ADCY8: variants seen among roughly 807,000 people sequenced by gnomAD.
ADCY8 encodes the protein adenylate cyclase 8, also known as adenylate cyclase type 8.
ADCY8 carries 51 observed loss-of-function variants against 119.7 expected under a neutral mutation model. That is an observed-to-expected ratio of 0.43 (90% CI 0.34 to 0.54). The LOEUF (loss-of-function observed/expected upper bound fraction) is 0.54. Ranked by LOEUF, ADCY8 falls within the 20% of genes least tolerant of loss-of-function variation. ADCY8 has a pLI of 0.03. For missense variants in ADCY8, 1,383 were observed against 1,598.8 expected, an observed-to-expected ratio of 0.87 and a Z score of 2.30; for synonymous variants, 665 against 651.0, an observed-to-expected ratio of 1.02 and a Z score of -0.33.
chr8:131,039,429 A>T lies in ADCY8; in HGVS notation c.905T>A (p.Leu302Gln). ...AILAGLGTSL[L>Q]QVILQVVIPR... is the part of the protein sequence containing the mutation. ...TATGACCACTTGGAGGATGACCTGC[A>T]GCAGCGAGGTGCCCAGGCCGGCCAG... Residue 302 changes from leucine to glutamine, a missense_variant, in exon 1 of 18, where the codon CTG (leucine) becomes CAG (glutamine). By Grantham distance (113) the Leu-to-Gln change is moderately radical. Coordinates refer to ENST00000286355, the MANE Select transcript of ADCY8 (RefSeq NM_001115.3). 1 of 1,614,198 alleles carries T rather than the reference A, an allele frequency of 6.2e-7. No homozygotes were observed. The highest frequency in any genetic ancestry group is 1.1e-5 in the South Asian group (1 of 91,086).
At chr8:130,948,855 G>A (rs567454806) in intron 3 of ADCY8, among the ~76,000 whole-genome samples, 3 of 152,130 alleles carry the variant, frequency 2.0e-5, no homozygotes, top group Admixed American at 6.5e-5. Context: ...TCAAGGCTCC[G>A]GTCTTATTTT....
At chr8:130,782,351 C>A (rs1815109719) in intron 17 of ADCY8, among the ~76,000 whole-genome samples, 1 of 152,062 alleles carries the variant, frequency 6.6e-6, no homozygotes, top group South Asian at 2.1e-4. Context: ...GGTAGAGAGG[C>A]AGAGGAGGTA....
chr8:130,930,531 G>A (rs1820602633), intron 5 of ADCY8, among the ~76,000 whole-genome samples: 1 of 152,124 alleles, frequency 6.6e-6, no homozygotes, highest in Non-Finnish European at 1.5e-5. Context: ...GATTACAGGT[G>A]TGAGCCACCG....
chr8:130,930,421 T>G (rs1820598977), intron 5 of ADCY8, among the ~76,000 whole-genome samples: 1 of 152,068 alleles, frequency 6.6e-6, no homozygotes, highest in Non-Finnish European at 1.5e-5. Context: ...CTGGCTAATT[T>G]TTTGTATTTT....
rs1563758967 is a variant in ADCY8 at position 130,992,382 on chromosome 8, C to CACATATAT, written c.961-1841_961-1840insATATATGT. 1.1e-3 allele frequency among the ~76,000 whole-genome samples: 87 copies of CACATATAT among 78,072 alleles called. 9 individuals are homozygous for CACATATAT. Among genetic ancestry groups the CACATATAT allele is most frequent in the African/African-American group, 4.2e-3 (79 of 18,748 alleles). 51.2% of individuals were successfully genotyped at this position (78,072 alleles called of 152,430 possible). On this transcript the variant is annotated intron_variant, in intron 1 of 17. Coordinates refer to ENST00000286355, the MANE Select transcript of ADCY8 (RefSeq NM_001115.3). ...TACATACATGAGCAACTGTATCTGGCATATATATATATATATATATATATA... is the reference window on the plus strand; with the variant it reads ...TACATACATGAGCAACTGTATCTGGCACATATATATATATATATATATATATATATATA...
At chr8:130,836,569 C>T (rs2664380) in intron 11 of ADCY8, 120 bp from the exon 12 acceptor site, 267,470 of 1,032,862 alleles carry the variant, frequency 0.26, 38,481 homozygotes, top group South Asian at 0.42. Flanking sequence ...GGTCTCAAGG[C>T]CTCCTGAAAT....
intron 9 of ADCY8, among the ~76,000 whole-genome samples, chr8:130,866,311 C>T (rs552229282): frequency 7.0e-6 from 1 of 142,868 alleles, no homozygotes; most frequent in Admixed American, 7.1e-5. Flanking sequence ...ATGGCCTGCC[C>T]TTGCATATTA....
At chr8:130,910,218 C>A (rs987654320) in intron 5 of ADCY8, among the ~76,000 whole-genome samples, 3 of 152,146 alleles carry the variant, frequency 2.0e-5, no homozygotes, top group Non-Finnish European at 4.4e-5. Flanking sequence ...ACATCCTTAG[C>A]CTTTTATCTG....
chr8:130,940,548 T>C (rs1820926518), intron 4 of ADCY8, among the ~76,000 whole-genome samples: 1 of 151,966 alleles, frequency 6.6e-6, no homozygotes, highest in African/African-American at 2.4e-5. Flanking sequence ...ATATAATACA[T>C]TAAAGGCCTG....
chr8:130,856,644 G>T (rs1817744733), intron 9 of ADCY8, among the ~76,000 whole-genome samples: 1 of 152,050 alleles, frequency 6.6e-6, no homozygotes, highest in African/African-American at 2.4e-5. Context: ...TTATTAATTG[G>T]ATAACACATA....
intron 15 of ADCY8, among the ~76,000 whole-genome samples, chr8:130,799,924 C>G (rs773809885): frequency 4.1e-5 from 5 of 121,876 alleles, no homozygotes; most frequent in African/African-American, 1.9e-4. Context: ...TGAAGTGCAG[C>G]GTGAGCATTT....
intron 7 of ADCY8, among the ~76,000 whole-genome samples, chr8:130,898,917 T>C (rs1433207264): frequency 1.3e-5 from 2 of 152,326 alleles, no homozygotes; most frequent in Non-Finnish European, 1.5e-5. Context: ...AAAAATCTAA[T>C]TGAGATCACA....
chr8:130,940,520 A>G (rs1820925184), intron 4 of ADCY8, among the ~76,000 whole-genome samples: 3 of 151,844 alleles, frequency 2.0e-5, no homozygotes, highest in Admixed American at 2.0e-4. Context: ...ATACAAAAAA[A>G]TAAAATGTAT....
At chr8:131,020,519 G>A (rs1247281269) in intron 1 of ADCY8, among the ~76,000 whole-genome samples, 2 of 152,190 alleles carry the variant, frequency 1.3e-5, no homozygotes, top group Non-Finnish European at 2.9e-5. Context: ...AGAACCAGGA[G>A]GAGGACAAAG....
At chr8:131,029,233 G>A (rs1004634252) in intron 1 of ADCY8, among the ~76,000 whole-genome samples, 1 of 152,218 alleles carries the variant, frequency 6.6e-6, no homozygotes, top group South Asian at 2.1e-4. Flanking sequence ...ATCATCCCCA[G>A]ATGGGACCAT....
intron 1 of ADCY8, among the ~76,000 whole-genome samples, chr8:130,991,561 A>T (rs1452591813): frequency 6.6e-6 from 1 of 152,256 alleles, no homozygotes; most frequent in Non-Finnish European, 1.5e-5. Context: ...TTTGATTTCA[A>T]TCAAGTTAAT....
Position 130,943,479 on chromosome 8 carries a change from G to T in ADCY8, c.1242-17C>A. ...AAAAGAATACTAAACACAGGGAAGAGGGTGGGGGTGGGGGGAGGAAGTATA... is the reference window on the plus strand; with the variant it reads ...AAAAGAATACTAAACACAGGGAAGATGGTGGGGGTGGGGGGAGGAAGTATA... On this transcript the variant is annotated splice_polypyrimidine_tract_variant and intron_variant, in intron 3 of 17. Coordinates refer to ENST00000286355, the MANE Select transcript of ADCY8 (RefSeq NM_001115.3). 2 of 1,170,354 alleles carry T rather than the reference G, an allele frequency of 1.7e-6. No homozygotes were observed. The highest frequency in any genetic ancestry group is 2.5e-6 in the Non-Finnish European group (2 of 789,844). The allele number at this position is 1,170,354 out of a possible 1,614,324, so 72.5% of individuals were successfully genotyped here.
At chr8:130,855,343 A>G (rs1441119505) in intron 9 of ADCY8, among the ~76,000 whole-genome samples, 1 of 152,102 alleles carries the variant, frequency 6.6e-6, no homozygotes, top group Non-Finnish European at 1.5e-5. Context: ...GTCTGGGGTA[A>G]ATGGGCTACC....
Position 130,808,948 on chromosome 8 carries a change from C to G in ADCY8, c.2913+5121G>C, listed in dbSNP as rs914042394. On this transcript the variant is annotated intron_variant, in intron 14 of 17. Coordinates refer to ENST00000286355, the MANE Select transcript of ADCY8 (RefSeq NM_001115.3). ...TGGGTTTCCCGGGACTCAGAGCTAG[C>G]CTGCTTGACATTGATGAGATACTCA... Among the ~76,000 whole-genome samples the G allele has an allele frequency of 5.1e-5, 7 of 137,584 alleles. No individual in the cohort carries two copies. In the East Asian group the frequency reaches 1.5e-3, roughly 30 times the overall value. The allele number at this position is 137,584 out of a possible 152,430, so 90.3% of individuals were successfully genotyped here. A position where few individuals can be genotyped will look rare whatever the true frequency, so the allele number is the denominator to read the frequency against.
Sources: allele counts gnomAD v4.1 joint callset (sites outside exome capture counted in the v4.1 genomes callset), GRCh38; gene constraint gnomAD v4.1.1; transcripts MANE v1.5; gene names NCBI Gene and HGNC (gene_info 2026-07-23, HGNC 2026-07-21).